The following CDC42BPA variants were observed in gnomAD, a reference collection of about 807,000 sequenced individuals.
The protein encoded by CDC42BPA is CDC42 binding protein kinase alpha.
Under a neutral mutation model 223.5 loss-of-function variants are expected in CDC42BPA, and 80 were observed. That is an observed-to-expected ratio of 0.36 (90% CI 0.30 to 0.43). The LOEUF (loss-of-function observed/expected upper bound fraction) is 0.43, where lower values mean the gene tolerates loss of function less well. Among genes scored for constraint, CDC42BPA ranks in the 20% least tolerant of loss-of-function variants. The probability of loss-of-function intolerance (pLI) is 1.00; values close to 1 mark genes in which losing one functional copy is unlikely to be tolerated. For synonymous variants in CDC42BPA, 694 were observed against 718.6 expected (o/e 0.97, Z 0.55); for missense variants, 1,743 against 2,099.9 (o/e 0.83, Z 3.32).
At chr1:227,183,608 C>T (rs903558503) in intron 5 of CDC42BPA, among the ~76,000 whole-genome samples, 1 of 152,224 alleles carries the variant, frequency 6.6e-6, no homozygotes. Context: ...TGAAGGATAC[C>T]TGTGTTGTTT....
intron 21 of CDC42BPA, among the ~76,000 whole-genome samples, chr1:227,063,034 A>G (rs1339362868): frequency 1.3e-5 from 2 of 152,182 alleles, no homozygotes. Context: ...TAATAATGAT[A>G]CTATCACCAC....
In CDC42BPA at chr1:227,204,345, A is replaced by G. The variant is rs186579677; in HGVS notation, c.355-4693T>C. ...TTTTAAATATAGAAATAATTTGGTA[A>G]CATCCGCAACTGCCAAGTGTGTGAG... On this transcript the variant is annotated intron_variant, in intron 3 of 36. Transcript: ENST00000366766. 2.7e-3 allele frequency among the ~76,000 whole-genome samples: 416 copies of G among 152,298 alleles called. 3 individuals are homozygous for G. The highest frequency in any genetic ancestry group is 4.0e-3 in the Non-Finnish European group (274 of 68,022).
intron 2 of CDC42BPA, among the ~76,000 whole-genome samples, chr1:227,225,073 T>C (rs999024761): frequency 6.6e-6 from 1 of 152,188 alleles, no homozygotes; most frequent in African/African-American, 2.4e-5. Context: ...ATGGACTTCT[T>C]TGGGGCCATA....
intron 8 of CDC42BPA, among the ~76,000 whole-genome samples, chr1:227,143,618 T>C (rs909753443): frequency 6.6e-6 from 1 of 152,214 alleles, no homozygotes; most frequent in Admixed American, 6.5e-5. Flanking sequence ...TGTGCCTTTA[T>C]GGAGAAAATA....
intron 17 of CDC42BPA, among the ~76,000 whole-genome samples, chr1:227,077,079 T>C (rs1320495): frequency 0.14 from 21,911 of 152,192 alleles, 2,010 homozygotes; most frequent in South Asian, 0.36. Flanking sequence ...TTAAATACTA[T>C]TGCATTGGGC....
At chr1:227,233,405 T>C (rs1678400099) in intron 2 of CDC42BPA, among the ~76,000 whole-genome samples, 1 of 152,124 alleles carries the variant, frequency 6.6e-6, no homozygotes, top group South Asian at 2.1e-4. Flanking sequence ...GTGTTAACCA[T>C]CTTTGTCCTG....
intron 5 of CDC42BPA, among the ~76,000 whole-genome samples, chr1:227,191,201 C>A (rs1669642829): frequency 6.6e-6 from 1 of 151,876 alleles, no homozygotes; most frequent in African/African-American, 2.4e-5. Context: ...AAAAATTAGC[C>A]AGGCTTCATG....
At chr1:227,184,170 T>C (rs1368913715) in intron 5 of CDC42BPA, among the ~76,000 whole-genome samples, 2 of 152,178 alleles carry the variant, frequency 1.3e-5, no homozygotes, top group Non-Finnish European at 2.9e-5. Flanking sequence ...TACCAGGGTC[T>C]TTCATTGAGC....
chr1:227,232,563 T>C (rs1678188271), intron 2 of CDC42BPA, among the ~76,000 whole-genome samples: 1 of 152,160 alleles, frequency 6.6e-6, no homozygotes, highest in African/African-American at 2.4e-5. Context: ...CCTTTGGTCT[T>C]TGATGATGGT....
At chr1:227,224,394 G>A (rs544708532) in intron 2 of CDC42BPA, among the ~76,000 whole-genome samples, 69 of 151,892 alleles carry the variant, frequency 4.5e-4, no homozygotes, top group Admixed American at 3.7e-3. Flanking sequence ...CCACCACCCC[G>A]GCTAATTTTG....
rs1159683590 is a variant in CDC42BPA, at chr1:227,129,106, T to C, written c.1513+3A>G. On this transcript the variant is annotated splice_donor_region_variant and intron_variant, in intron 11 of 36. Transcript: ENST00000366766. ...GAATTAACAGTGAATCACAGATATT[T>C]ACCTGTTACTTGTTTTCTTAGTTTT... is the stretch of plus-strand genomic sequence containing the variant. 2 of 1,400,512 alleles carry C rather than the reference T, an allele frequency of 1.4e-6. No homozygotes were observed. Among genetic ancestry groups the C allele is most frequent in the African/African-American group, 2.9e-5 (2 of 69,258 alleles). 86.8% of individuals were successfully genotyped at this position (1,400,512 alleles called of 1,614,324 possible). A position where few individuals can be genotyped will look rare whatever the true frequency, so the allele number is the denominator to read the frequency against.
At chr1:227,030,540 T>C (rs1334473323) in intron 28 of CDC42BPA, 70 bp from the exon 29 acceptor site, 2 of 918,118 alleles carry the variant, frequency 2.2e-6, no homozygotes, top group Non-Finnish European at 3.4e-6. Flanking sequence ...AACCAGATGA[T>C]AAGAACATTT....
chr1:227,081,107 C>T lies in CDC42BPA; in HGVS notation c.2356-90G>A. On this transcript the variant is annotated intron_variant, in intron 16 of 36. Transcript: ENST00000366766. ...ATTGTCAAATTTGATTACTCAACAT[C>T]ATCTACCCAAAAATGCCTGTCTTAT... 3.9e-6 allele frequency: 5 copies of T among 1,273,462 alleles called. No individual in the cohort carries two copies. The South Asian group carries it at 6.5e-5, about 17-fold the overall frequency. 78.9% of individuals were successfully genotyped at this position (1,273,462 alleles called of 1,614,324 possible).
chr1:227,194,844 ATC>A (rs997136404), intron 4 of CDC42BPA, among the ~76,000 whole-genome samples: 81 of 152,322 alleles, frequency 5.3e-4, no homozygotes, highest in African/African-American at 1.5e-3. Context: ...TGAAAAATTA[ATC>A]TCTGTGACAT....
At chr1:227,265,723 C>T (rs1451592937) in intron 1 of CDC42BPA, among the ~76,000 whole-genome samples, 1 of 152,038 alleles carries the variant, frequency 6.6e-6, no homozygotes, top group Non-Finnish European at 1.5e-5. Context: ...CCTCTAGACC[C>T]TAGTTTCTCC....
chr1:227,188,725 G>A (rs375144443), intron 5 of CDC42BPA, among the ~76,000 whole-genome samples: 3 of 152,186 alleles, frequency 2.0e-5, no homozygotes, highest in African/African-American at 7.2e-5. Context: ...GGAACACAGA[G>A]CATTTTTAGG....
intron 4 of CDC42BPA, among the ~76,000 whole-genome samples, chr1:227,197,448 C>G (rs1012923893): frequency 6.6e-6 from 1 of 152,030 alleles, no homozygotes; most frequent in Non-Finnish European, 1.5e-5. Context: ...GTCTTTAATT[C>G]TATTTTAGTA....
intron 14 of CDC42BPA, among the ~76,000 whole-genome samples, chr1:227,103,276 A>G (rs1439509363): frequency 6.6e-6 from 1 of 152,152 alleles, no homozygotes; most frequent in Non-Finnish European, 1.5e-5. Context: ...ATAGTTGAGT[A>G]AAGCAATAGC....
intron 5 of CDC42BPA, among the ~76,000 whole-genome samples, chr1:227,168,497 G>GTTTTTTTTTTTTTGTT (rs1665488488): frequency 1.2e-5 from 1 of 80,196 alleles, no homozygotes; most frequent in African/African-American, 5.0e-5. Flanking sequence ...CTTCCCTGGT[G>GTTTTTTTTTTTTTGTT]TTTTTTTTTT....
Sources: allele counts gnomAD v4.1 joint callset (sites outside exome capture counted in the v4.1 genomes callset), GRCh38; gene constraint gnomAD v4.1.1; transcripts MANE v1.5; gene names NCBI Gene and HGNC (gene_info 2026-07-23, HGNC 2026-07-21).